Variants in LRP1B observed in about 807,000 individuals in gnomAD.
LRP1B encodes LDL receptor related protein 1B, also known as low-density lipoprotein receptor-related protein 1B.
LRP1B carries 217 observed loss-of-function variants against 556.6 expected under a neutral mutation model. The observed-to-expected ratio is 0.39, with a 90% confidence interval of 0.35 to 0.44. LRP1B has a LOEUF of 0.44. Ranked by LOEUF, LRP1B falls within the 20% of genes least tolerant of loss-of-function variation. The pLI, the probability that LRP1B is intolerant of heterozygous loss-of-function variation, is 1.00. For synonymous variants in LRP1B, 2,047 were observed against 1,865.8 expected (o/e 1.10, Z -2.50); for missense variants, 5,053 against 5,620.8 (o/e 0.90, Z 3.23).
At chr2:141,134,428 A>G (rs1315718820) in intron 7 of LRP1B, among the ~76,000 whole-genome samples, 1 of 151,912 alleles carries the variant, frequency 6.6e-6, no homozygotes, top group East Asian at 1.9e-4. Context: ...GTTGTTAACC[A>G]GCCGCTTTTC....
intron 2 of LRP1B, among the ~76,000 whole-genome samples, chr2:141,521,619 T>C (rs993721733): frequency 2.6e-5 from 4 of 151,986 alleles, no homozygotes; most frequent in Non-Finnish European, 5.9e-5. Context: ...CAATCATATA[T>C]AGTTATATAT....
At chr2:140,983,288 G>A (rs897458296) in intron 17 of LRP1B, among the ~76,000 whole-genome samples, 1 of 151,980 alleles carries the variant, frequency 6.6e-6, no homozygotes, top group African/African-American at 2.4e-5. Context: ...ATTGGGAAAG[G>A]GATACTCAGT....
chr2:140,439,392 G>C (rs1055959219), intron 66 of LRP1B, among the ~76,000 whole-genome samples: 1 of 152,046 alleles, frequency 6.6e-6, no homozygotes, highest in Non-Finnish European at 1.5e-5. Context: ...GTTTAAAAGA[G>C]CAGACACCTT....
chr2:140,712,583 A>G (rs114579880), intron 37 of LRP1B, among the ~76,000 whole-genome samples: 2,191 of 152,042 alleles, frequency 0.014, 23 homozygotes, highest in Non-Finnish European at 0.02. Flanking sequence ...GAATATGTGC[A>G]ATATCCCCAT....
intron 2 of LRP1B, among the ~76,000 whole-genome samples, chr2:141,639,416 ATATATATT>A: frequency 7.4e-6 from 1 of 135,740 alleles, no homozygotes; most frequent in Non-Finnish European, 1.6e-5. Flanking sequence ...GTGTATATAT[ATATATATT>A]TTTTTTTGAG....
chr2:140,348,467 C>G (rs1224867709), intron 77 of LRP1B, among the ~76,000 whole-genome samples: 8 of 151,964 alleles, frequency 5.3e-5, no homozygotes, highest in Non-Finnish European at 4.4e-5. Flanking sequence ...TGATGGACTC[C>G]TTAGTAGAAA....
At chr2:141,002,432 C>T (rs996800808) in intron 15 of LRP1B, among the ~76,000 whole-genome samples, 3 of 151,930 alleles carry the variant, frequency 2.0e-5, no homozygotes, top group Non-Finnish European at 4.4e-5. Context: ...CCCTCGATAT[C>T]CAGGGGGGAT....
At chr2:140,998,099 T>C (rs1323620185) in intron 15 of LRP1B, among the ~76,000 whole-genome samples, 10 of 152,012 alleles carry the variant, frequency 6.6e-5, no homozygotes, top group Non-Finnish European at 2.9e-5. Flanking sequence ...TGGTTCACCA[T>C]AGTGAAGTCC....
chr2:140,517,459 G>A (rs777332919), intron 49 of LRP1B, among the ~76,000 whole-genome samples: 1 of 152,026 alleles, frequency 6.6e-6, no homozygotes, highest in Non-Finnish European at 1.5e-5. Flanking sequence ...CTGGAAAAGT[G>A]TGAATCTAGT....
chr2:141,204,859 C>T (rs1318424622), intron 6 of LRP1B, among the ~76,000 whole-genome samples: 1 of 151,922 alleles, frequency 6.6e-6, no homozygotes, highest in East Asian at 1.9e-4. Context: ...ATCTCTTGAA[C>T]CCAAGAGGTG....
chr2:140,737,874 T>C (rs1688000308), intron 35 of LRP1B, among the ~76,000 whole-genome samples: 1 of 152,212 alleles, frequency 6.6e-6, no homozygotes, highest in Non-Finnish European at 1.5e-5. Context: ...TGGTGGCAGC[T>C]GCTACGCCAG....
chr2:141,843,370 G>T (rs1254084352), intron 1 of LRP1B, among the ~76,000 whole-genome samples: 2 of 152,028 alleles, frequency 1.3e-5, no homozygotes, highest in African/African-American at 4.8e-5. Context: ...ATTTAAACAG[G>T]TCACTCTGTA....
At chr2:141,525,676 C>A (rs1453931179) in intron 2 of LRP1B, among the ~76,000 whole-genome samples, 1 of 151,880 alleles carries the variant, frequency 6.6e-6, no homozygotes, top group Non-Finnish European at 1.5e-5. Flanking sequence ...AGAAAAGGAA[C>A]TGATATGCCA....
At chr2:141,587,712 T>A (rs550503197) in intron 2 of LRP1B, among the ~76,000 whole-genome samples, 93 of 152,292 alleles carry the variant, frequency 6.1e-4, no homozygotes, top group African/African-American at 2.1e-3. Context: ...TAATTACCTT[T>A]GAGATTAATG....
chr2:140,832,885 G>GAAGAT (rs1336722593), intron 31 of LRP1B, among the ~76,000 whole-genome samples: 1 of 151,368 alleles, frequency 6.6e-6, no homozygotes, highest in African/African-American at 2.4e-5. Flanking sequence ...AGCTAGAAGA[G>GAAGAT]ATGTTCCCAA....
intron 23 of LRP1B, among the ~76,000 whole-genome samples, chr2:140,892,328 G>C (rs1693822027): frequency 6.6e-6 from 1 of 152,088 alleles, no homozygotes; most frequent in Admixed American, 6.6e-5. Context: ...GGCAGTATCG[G>C]AAATGTCTAA....
At chr2:141,449,892 T>C (rs1394071943) in intron 3 of LRP1B, among the ~76,000 whole-genome samples, 1 of 152,188 alleles carries the variant, frequency 6.6e-6, no homozygotes, top group African/African-American at 2.4e-5. Context: ...TGTAGGATGT[T>C]TAGCGGCATT....
chr2:142,015,849 G>T (rs184092348), intron 1 of LRP1B, among the ~76,000 whole-genome samples: 2 of 151,696 alleles, frequency 1.3e-5, no homozygotes, highest in Non-Finnish European at 2.9e-5. Flanking sequence ...AAAATTAGCC[G>T]GGCGTGGTGG....
intron 25 of LRP1B, among the ~76,000 whole-genome samples, chr2:140,874,745 G>T (rs562685553): frequency 9.1e-4 from 139 of 152,034 alleles, no homozygotes; most frequent in African/African-American, 3.2e-3. Flanking sequence ...CAGGCTGGGC[G>T]TGGTGGCTCA....
Sources: allele counts gnomAD v4.1 joint callset (sites outside exome capture counted in the v4.1 genomes callset), GRCh38; gene constraint gnomAD v4.1.1; transcripts MANE v1.5; gene names NCBI Gene and HGNC (gene_info 2026-07-23, HGNC 2026-07-21).